LSM14B: variants seen among roughly 807,000 people sequenced by gnomAD.
LSM14B encodes the protein LSM family member 14B.
A neutral mutation model predicts 42.1 loss-of-function variants in LSM14B; 8 were observed. The ratio of observed to expected loss-of-function variants is 0.19; its 90% CI spans 0.11 to 0.34. The LOEUF (loss-of-function observed/expected upper bound fraction) is 0.34, where lower values mean the gene tolerates loss of function less well. Ranked by LOEUF, LSM14B falls within the 10% of genes least tolerant of loss-of-function variation. The pLI is 1.00. For synonymous variants in LSM14B, 219 were observed against 209.7 expected, an observed-to-expected ratio of 1.04 and a Z score of -0.38; for missense variants, 396 against 513.1, an observed-to-expected ratio of 0.77 and a Z score of 2.21.
rs1013132375 is a variant in LSM14B, at chr20:62,127,689, C to T, written c.427+1250C>T. The T allele has an allele frequency of 4.5e-6, 7 of 1,550,106 alleles. No individual in the cohort carries two copies. In the East Asian group the frequency reaches 1.7e-4, roughly 38 times the overall value. On this transcript the variant is annotated intron_variant, in intron 3 of 8. Coordinates refer to ENST00000279068, the MANE Select transcript of LSM14B (RefSeq NM_144703.3). ...TGACTTGTCCTCAGAGCCACAGCAG[C>T]TCACTGCCAAGGGTAACAGCAGTTT...
chr20:62,123,324 G>T (rs1334929840), intron 1 of LSM14B: 1 of 152,384 alleles, frequency 6.6e-6, no homozygotes, highest in Non-Finnish European at 1.5e-5. Context: ...TAGACAGCTG[G>T]GGCCTTGATC....
At position 62,134,474 on chromosome 20, in the gene LSM14B, C is replaced by CT. The variant is rs11477488; in HGVS notation, c.*342dup. The CT allele has an allele frequency of 0.04, 7,964 of 199,832 alleles. 406 individuals carry two copies. Among genetic ancestry groups the CT allele is most frequent in the African/African-American group, 0.15 (5,532 of 37,174 alleles). The allele number at this position is 199,832 out of a possible 1,614,324, so 12.4% of individuals were successfully genotyped here. On this transcript the variant is annotated 3_prime_UTR_variant, in exon 9 of 9. Transcript: ENST00000279068. ...TGAAAGCTGAATCCTTACTTTGTGACTTTTTTTTTTTTTTTTAATGACAAG... is the reference window on the plus strand; with the variant it reads ...TGAAAGCTGAATCCTTACTTTGTGACTTTTTTTTTTTTTTTTTAATGACAAG...
intron 1 of LSM14B, chr20:62,123,222 A>C (rs2056462735): frequency 1.3e-5 from 2 of 152,504 alleles, no homozygotes; most frequent in African/African-American, 4.8e-5. Context: ...GGGAGCCTCG[A>C]GGTCGGGTGG....
At position 62,122,581 on chromosome 20, in the gene LSM14B, G is replaced by C. The variant is rs1427333470; in HGVS notation, c.-86G>C. On this transcript the variant is annotated 5_prime_UTR_variant, in exon 1 of 9. Coordinates refer to ENST00000279068, the MANE Select transcript of LSM14B (RefSeq NM_144703.3). The surrounding 1 kb of genome is among the most constrained non-coding windows in gnomAD (Gnocchi z 4.6). ...CGGCGGGCGGAGGAGCGCAGGAGCGGGCGGCCAGGCCACCGCGCGGCGGCG... is the reference window on the plus strand; with the variant it reads ...CGGCGGGCGGAGGAGCGCAGGAGCGCGCGGCCAGGCCACCGCGCGGCGGCG... The C allele has an allele frequency of 1.0e-6, 1 of 957,048 alleles. No individual in the cohort carries two copies. Among genetic ancestry groups the C allele is most frequent in the African/African-American group, 1.8e-5 (1 of 55,960 alleles). The allele number at this position is 957,048 out of a possible 1,614,324, so 59.3% of individuals were successfully genotyped here.
At chr20:62,125,474 A>ACTGCAGGGC (rs1402329469) in intron 2 of LSM14B, among the ~76,000 whole-genome samples, 8 of 152,208 alleles carry the variant, frequency 5.3e-5, no homozygotes, top group Non-Finnish European at 8.8e-5. Flanking sequence ...ACCTGCAGGG[A>ACTGCAGGGC]CTGCAGGGCT....
intron 2 of LSM14B, 89 bp from the exon 3 acceptor site, chr20:62,126,215 T>C: frequency 6.3e-7 from 1 of 1,594,134 alleles, no homozygotes; most frequent in Non-Finnish European, 8.6e-7. Context: ...GGGACGGTGC[T>C]TGTTTCCCAG....
At chr20:62,126,461 G>C (rs764021511) in intron 3 of LSM14B, 22 bp downstream of exon 3, 2 of 1,603,304 alleles carry the variant, frequency 1.2e-6, no homozygotes, top group South Asian at 2.2e-5. Context: ...GTTTCTGTCT[G>C]GTAAACTACC....
chr20:62,126,163 C>G lies in LSM14B; in HGVS notation c.292-141C>G. On this transcript the variant is annotated intron_variant, in intron 2 of 8. Coordinates refer to ENST00000279068, the MANE Select transcript of LSM14B (RefSeq NM_144703.3). Reference sequence around the variant, plus strand: ...CAGCTCTCACCATACTGGAAACTTGCACCCCAAGGGCTCCTCCAGCATCTC... The same window carrying G: ...CAGCTCTCACCATACTGGAAACTTGGACCCCAAGGGCTCCTCCAGCATCTC... 11 of 1,237,536 alleles carry G rather than the reference C, an allele frequency of 8.9e-6. No homozygotes were observed. The South Asian group carries it at 1.3e-4, about 15-fold the overall frequency. 76.7% of individuals were successfully genotyped at this position (1,237,536 alleles called of 1,614,324 possible).
rs745347998 is a variant in LSM14B at position 62,130,719 on chromosome 20, T to C, written c.835+28T>C. On this transcript the variant is annotated intron_variant, in intron 6 of 8. Coordinates refer to ENST00000279068, the MANE Select transcript of LSM14B (RefSeq NM_144703.3). This position sits in a 1 kb window ranked among gnomAD's most constrained non-coding sequence, Gnocchi z 4.1. ...TTGGCTCATTATATGAAAATTATTC[T>C]CTGCACAGGAGTACCCCTAGAGAGT... 12 of 1,607,490 alleles carry C rather than the reference T, an allele frequency of 7.5e-6. 1 individual carries two copies. In the South Asian group the frequency reaches 1.3e-4, roughly 18 times the overall value.
Position 62,134,603 on chromosome 20 carries a change from G to A in LSM14B, c.*455G>A, listed in dbSNP as rs1182548099. ...GGTGCTGTTGGCCTGGCACCCCACTGCCAAGGGTGGGGTCTCAGGAGTCAG... is the reference window on the plus strand; with the variant it reads ...GGTGCTGTTGGCCTGGCACCCCACTACCAAGGGTGGGGTCTCAGGAGTCAG... On this transcript the variant is annotated 3_prime_UTR_variant, in exon 9 of 9. Coordinates refer to ENST00000279068, the MANE Select transcript of LSM14B (RefSeq NM_144703.3). 2 of 209,526 alleles carry A rather than the reference G, an allele frequency of 9.5e-6. No individual in the cohort carries two copies. The highest frequency in any genetic ancestry group is 5.3e-5 in the African/African-American group (2 of 37,900). 13.0% of individuals were successfully genotyped at this position (209,526 alleles called of 1,614,324 possible).
intron 3 of LSM14B, 44 bp from the exon 4 acceptor site, chr20:62,129,741 T>G (rs371897337): frequency 2.7e-5 from 42 of 1,543,392 alleles, no homozygotes; most frequent in Non-Finnish European, 3.5e-5. Context: ...AAGGCTTGCT[T>G]CTTTTCTCTC....
In LSM14B at chr20:62,134,687, G is replaced by T; in HGVS notation, c.*539G>T. 4.8e-6 allele frequency: 1 copy of T among 209,340 alleles called. No individual in the cohort carries two copies. The highest frequency in any genetic ancestry group is 9.7e-6 in the Non-Finnish European group (1 of 103,392). The allele number at this position is 209,340 out of a possible 1,614,324, so 13.0% of individuals were successfully genotyped here. A position where few individuals can be genotyped will look rare whatever the true frequency, so the allele number is the denominator to read the frequency against. Reference sequence around the variant, plus strand: ...GGTGGGTGGGTGGAGGGCACGGAAGGGGTTTTCCCATGGATCATGTTGTAT... The same window carrying T: ...GGTGGGTGGGTGGAGGGCACGGAAGTGGTTTTCCCATGGATCATGTTGTAT... On this transcript the variant is annotated 3_prime_UTR_variant, in exon 9 of 9. Transcript: ENST00000279068.
In LSM14B at chr20:62,130,370, T is replaced by G; in HGVS notation, c.673+74T>G. 1 of 1,541,914 alleles carries G rather than the reference T, an allele frequency of 6.5e-7. No individual in the cohort carries two copies. Among genetic ancestry groups the G allele is most frequent in the Non-Finnish European group, 8.8e-7 (1 of 1,136,828 alleles). On this transcript the variant is annotated intron_variant, in intron 5 of 8. Transcript: ENST00000279068. The surrounding 1 kb of genome is among the most constrained non-coding windows in gnomAD (Gnocchi z 4.1). ...GAGCTCTGCTTGCCCTCCTGCCTGC[T>G]TCTCTGGTTGACGGTTTCAGGGGTG...
In LSM14B at chr20:62,124,651, T is replaced by A; in HGVS notation, c.162T>A (p.Asp54Glu). 6.2e-7 allele frequency: 1 copy of A among 1,613,934 alleles called. No individual in the cohort carries two copies. The highest frequency in any genetic ancestry group is 8.5e-7 in the Non-Finnish European group (1 of 1,179,856). ...RSFGTEDRPT[D>E]RPAPPREEIY... ...TTGGCACTGAAGACCGTCCCACAGA[T>A]AGGCCTGCGCCCCCCAGAGAGGAGA... The change falls in exon 2 of 9, where the codon GAT becomes GAA. Residue 54 changes from aspartate to glutamate, a missense_variant. By Grantham distance (45) the Asp-to-Glu change is conservative. Transcript: ENST00000279068.
In LSM14B at chr20:62,124,614, A is replaced by G; in HGVS notation, c.128-3A>G. The G allele has an allele frequency of 6.2e-7, 1 of 1,613,450 alleles. No homozygotes were observed. The highest frequency in any genetic ancestry group is 8.5e-7 in the Non-Finnish European group (1 of 1,179,582). Reference sequence around the variant, plus strand: ...ATAACGCTTCTCTTTCTCCACTCATAAGTGAGGTCCTTTGGCACTGAAGAC... The same window carrying G: ...ATAACGCTTCTCTTTCTCCACTCATGAGTGAGGTCCTTTGGCACTGAAGAC... On this transcript the variant is annotated splice_region_variant and splice_polypyrimidine_tract_variant and intron_variant, in intron 1 of 8. Transcript: ENST00000279068.
At chr20:62,133,987 G>A (rs1406953284) in intron 8 of LSM14B, among the ~76,000 whole-genome samples, 176 bp from the exon 9 acceptor site, 3 of 152,222 alleles carry the variant, frequency 2.0e-5, no homozygotes, top group African/African-American at 7.2e-5. Flanking sequence ...CACTAGCTGC[G>A]TCCCTGTCCC....
In LSM14B at chr20:62,124,766, CCCG is replaced by C; in HGVS notation, c.280_282del (p.Ala94del). ...AGCTCAGCACACACTCCCGCAGGAT[CCCG>C]CCATTGTTCAGGTAAGTGTGCCACT... On this transcript the variant is annotated inframe_deletion, in exon 2 of 9. Transcript: ENST00000279068. 2 of 1,612,834 alleles carry C rather than the reference CCCG, an allele frequency of 1.2e-6. No individual in the cohort carries two copies. The highest frequency in any genetic ancestry group is 1.1e-5 in the South Asian group (1 of 90,950).
At position 62,126,449 on chromosome 20, in the gene LSM14B, C is replaced by T; in HGVS notation, c.427+10C>T. 2 of 1,605,346 alleles carry T rather than the reference C, an allele frequency of 1.2e-6. No individual in the cohort carries two copies. The highest frequency in any genetic ancestry group is 1.7e-6 in the Non-Finnish European group (2 of 1,179,106). ...GCCTCCCTGGGTCTAGGTGAGTGAC[C>T]TGTTTCTGTCTGGTAAACTACCCTT... On this transcript the variant is annotated intron_variant, in intron 3 of 8. Coordinates refer to ENST00000279068, the MANE Select transcript of LSM14B (RefSeq NM_144703.3).
At position 62,133,433 on chromosome 20, in the gene LSM14B, C is replaced by G. The variant is rs780088953; in HGVS notation, c.1130C>G (p.Ser377Cys). ...GGGACCACCCGTCGCAACCCCACTT[C>G]CCACAGGGCCGGGACTGGCAGGGTG... ...GNGTTRRNPT[S>C]HRAGTGRV The change falls in exon 8 of 9, where the codon TCC becomes TGC. Residue 377 changes from serine (S) to cysteine (C), a missense_variant. Coordinates refer to ENST00000279068, the MANE Select transcript of LSM14B (RefSeq NM_144703.3). 1.2e-6 allele frequency: 2 copies of G among 1,613,058 alleles called. No individual in the cohort carries two copies. Among genetic ancestry groups the G allele is most frequent in the Non-Finnish European group, 1.7e-6 (2 of 1,179,530 alleles).
Sources: gnomAD v4.1 joint callset for allele counts (sites outside exome capture counted in the v4.1 genomes callset) on GRCh38, gnomAD v4.1.1 for gene constraint, Gnocchi (gnomAD v3.1) non-coding constraint, MANE v1.5 for transcripts, NCBI Gene and HGNC (gene_info 2026-07-23, HGNC 2026-07-21) for gene names.